MCTP1: variants seen among roughly 807,000 people sequenced by gnomAD.
MCTP1 encodes multiple C2 and transmembrane domain-containing protein 1.
MCTP1 carries 69 observed loss-of-function variants against 120.6 expected under a neutral mutation model. The observed-to-expected ratio is 0.57, with a 90% CI of 0.47 to 0.70. The LOEUF is 0.70. MCTP1 is among the 30% of genes least tolerant of loss of function. MCTP1 has a pLI of 0.00. For missense variants in MCTP1, 1,203 were observed against 1,248.8 expected, an observed-to-expected ratio of 0.96 and a Z score of 0.55; for synonymous variants, 529 against 493.1, an observed-to-expected ratio of 1.07 and a Z score of -0.96.
intron 8 of MCTP1, among the ~76,000 whole-genome samples, chr5:94,914,652 G>A (rs552398232): frequency 3.3e-5 from 5 of 152,300 alleles, no homozygotes; most frequent in African/African-American, 1.2e-4. Context: ...TGAGCTTCAA[G>A]AGCAGCATTC....
chr5:94,714,102 C>T (rs1440386916), intron 20 of MCTP1, among the ~76,000 whole-genome samples: 4 of 151,704 alleles, frequency 2.6e-5, no homozygotes, highest in African/African-American at 4.8e-5. Context: ...AAAAATATAA[C>T]ATTAGTTTAG....
At chr5:94,747,856 C>A (rs1359863701) in intron 19 of MCTP1, among the ~76,000 whole-genome samples, 5 of 152,020 alleles carry the variant, frequency 3.3e-5, no homozygotes, top group Non-Finnish European at 5.9e-5. Context: ...CTTGGGAGGC[C>A]AAGACAGGTG....
intron 1 of MCTP1, among the ~76,000 whole-genome samples, chr5:95,064,746 T>C (rs1366483137): frequency 6.6e-6 from 1 of 152,176 alleles, no homozygotes; most frequent in Non-Finnish European, 1.5e-5. Flanking sequence ...TCCATAGAAG[T>C]TCCCTTTGAT....
intron 1 of MCTP1, among the ~76,000 whole-genome samples, chr5:95,242,908 A>C (rs192162652): frequency 6.6e-6 from 1 of 152,300 alleles, no homozygotes; most frequent in African/African-American, 2.4e-5. Flanking sequence ...TGCTGCAATA[A>C]ACCTGTTTTT....
In MCTP1 at chr5:94,979,364, C is replaced by A. The variant is rs1242220610; in HGVS notation, c.839-26003G>T. The A allele has an allele frequency of 2.6e-5, 4 of 152,044 alleles. No homozygotes were observed. In the East Asian group the frequency reaches 5.8e-4, roughly 22 times the overall value. The allele number at this position is 152,044 out of a possible 1,614,324, so 9.4% of individuals were successfully genotyped here. On this transcript the variant is annotated intron_variant, in intron 2 of 22. Transcript: ENST00000515393. Reference sequence around the variant, plus strand: ...CACATTCAGACCTGACAGAGAATATCCTTTTATTCAGAGATCCTGAACTTA... The same window carrying A: ...CACATTCAGACCTGACAGAGAATATACTTTTATTCAGAGATCCTGAACTTA...
At chr5:94,798,919 T>C (rs1780623162) in intron 18 of MCTP1, 94 bp downstream of exon 18, 1 of 1,331,062 alleles carries the variant, frequency 7.5e-7, no homozygotes, top group Non-Finnish European at 1.0e-6. Flanking sequence ...ATAGACAGAA[T>C]TCCTGGTTTG....
chr5:94,889,842 A>G (rs973209037), intron 11 of MCTP1, among the ~76,000 whole-genome samples: 1 of 152,086 alleles, frequency 6.6e-6, no homozygotes, highest in Non-Finnish European at 1.5e-5. Flanking sequence ...TAAAAAAAAC[A>G]CATTTAATCC....
At position 94,715,363 on chromosome 5, in the gene MCTP1, CAAAAAAAAAAAAAA is replaced by C. The variant is rs35567390; in HGVS notation, c.2611-491_2611-478del. Among the ~76,000 whole-genome samples, 36 of 70,542 alleles carry C rather than the reference CAAAAAAAAAAAAAA, an allele frequency of 5.1e-4. No homozygotes were observed. In the South Asian group the frequency reaches 0.02, roughly 39 times the overall value. 46.3% of individuals were successfully genotyped at this position (70,542 alleles called of 152,430 possible). A position where few individuals can be genotyped will look rare whatever the true frequency, so the allele number is the denominator to read the frequency against. ...TGAGATTTGTGAGCAATGAAAACTA[CAAAAAAAAAAAAAA>C]AAAAAAAAAAAACACCACCACCAAA... On this transcript the variant is annotated intron_variant, in intron 19 of 22. Coordinates refer to ENST00000515393, the MANE Select transcript of MCTP1 (RefSeq NM_024717.7).
chr5:94,749,753 G>C (rs1275239761), intron 19 of MCTP1, among the ~76,000 whole-genome samples: 1 of 148,114 alleles, frequency 6.8e-6, no homozygotes, highest in Non-Finnish European at 1.5e-5. Flanking sequence ...GGTATTAAGT[G>C]AATAATGAAA....
intron 17 of MCTP1, among the ~76,000 whole-genome samples, chr5:94,811,203 G>C (rs925886739): frequency 6.6e-6 from 1 of 152,066 alleles, no homozygotes; most frequent in African/African-American, 2.4e-5. Flanking sequence ...TTTTACCCTT[G>C]CTGCGTAATG....
At chr5:94,834,644 T>G (rs991307885) in intron 17 of MCTP1, among the ~76,000 whole-genome samples, 1 of 152,028 alleles carries the variant, frequency 6.6e-6, no homozygotes, top group Non-Finnish European at 1.5e-5. Flanking sequence ...AGAGACATCA[T>G]AGCGCAATTC....
At chr5:94,965,907 G>A (rs1181734329) in intron 2 of MCTP1, among the ~76,000 whole-genome samples, 1 of 152,146 alleles carries the variant, frequency 6.6e-6, no homozygotes, top group Non-Finnish European at 1.5e-5. Flanking sequence ...CCAGCAACAA[G>A]GCAATATCTT....
chr5:95,005,241 T>C (rs1000494138), intron 2 of MCTP1, among the ~76,000 whole-genome samples: 10 of 152,208 alleles, frequency 6.6e-5, no homozygotes, highest in Admixed American at 3.9e-4. Flanking sequence ...GTAAACTCAT[T>C]GTATCTTGGA....
chr5:95,056,518 C>T (rs980700027), intron 1 of MCTP1, among the ~76,000 whole-genome samples: 1 of 152,132 alleles, frequency 6.6e-6, no homozygotes, highest in Non-Finnish European at 1.5e-5. Context: ...GATATTCTGA[C>T]TTAAATGAAT....
In MCTP1 at chr5:94,804,716, G is replaced by C. The variant is rs944492760; in HGVS notation, c.2437-5584C>G. On this transcript the variant is annotated intron_variant, in intron 17 of 22. Coordinates refer to ENST00000515393, the MANE Select transcript of MCTP1 (RefSeq NM_024717.7). ...GCCTCCCAAAGTGCTGGGATTACAG[G>C]CGTGAGCCACCACACCAGGCCTATG... 2.0e-5 allele frequency among the ~76,000 whole-genome samples: 3 copies of C among 152,158 alleles called. No individual in the cohort carries two copies. In the South Asian group the frequency reaches 6.2e-4, roughly 32 times the overall value.
chr5:94,876,923 T>C (rs1170360886), intron 12 of MCTP1, among the ~76,000 whole-genome samples: 2 of 152,080 alleles, frequency 1.3e-5, no homozygotes, highest in South Asian at 2.1e-4. Flanking sequence ...GAATTATAAG[T>C]ATGATTAAGA....
At chr5:95,074,752 A>G (rs1753134957) in intron 1 of MCTP1, among the ~76,000 whole-genome samples, 1 of 152,224 alleles carries the variant, frequency 6.6e-6, no homozygotes, top group Non-Finnish European at 1.5e-5. Flanking sequence ...ATGTCCTTCC[A>G]AAAAATATGG....
chr5:95,235,719 C>T (rs1306484610), intron 1 of MCTP1, among the ~76,000 whole-genome samples: 2 of 151,856 alleles, frequency 1.3e-5, no homozygotes, highest in Admixed American at 1.3e-4. Context: ...TGCTTATTCA[C>T]CAAAAAAGGA....
intron 1 of MCTP1, among the ~76,000 whole-genome samples, chr5:95,180,844 T>C (rs1483726044): frequency 1.3e-5 from 2 of 152,194 alleles, no homozygotes; most frequent in Non-Finnish European, 2.9e-5. Flanking sequence ...CATCTTTATA[T>C]ATCATACCAT....
Sources: gnomAD v4.1 joint callset for allele counts (sites outside exome capture counted in the v4.1 genomes callset) on GRCh38, gnomAD v4.1.1 for gene constraint, MANE v1.5 for transcripts, NCBI Gene and HGNC (gene_info 2026-07-23, HGNC 2026-07-21) for gene names.